The following ENTREP2 variants were observed in gnomAD, a reference collection of about 807,000 sequenced individuals.
The protein encoded by ENTREP2 is protein ENTREP2.
chr15:29,419,966 T>C, the ENTREP2 span, among the ~76,000 whole-genome samples: 1 of 151,516 alleles, frequency 6.6e-6, no homozygotes, highest in African/African-American at 2.4e-5. Flanking sequence ...GAAATGAAGA[T>C]TGATGAAAGG....
At chr15:29,284,556 CAA>C in the ENTREP2 span, among the ~76,000 whole-genome samples, 1 of 125,472 alleles carries the variant, frequency 8.0e-6, no homozygotes, top group Admixed American at 8.0e-5. Context: ...GACTCCATCT[CAA>C]AAAAAAAAAA....
the ENTREP2 span, among the ~76,000 whole-genome samples, chr15:29,621,646 G>A: frequency 2.1e-5 from 3 of 144,482 alleles, no homozygotes; most frequent in Non-Finnish European, 3.0e-5. Context: ...TGGAAAAATC[G>A]GAACCCTTGT....
At chr15:29,242,697 G>A in the ENTREP2 span, among the ~76,000 whole-genome samples, 1 of 152,236 alleles carries the variant, frequency 6.6e-6, no homozygotes, top group African/African-American at 2.4e-5. Context: ...GCACAGACAT[G>A]GCCTTCTCCC....
At chr15:29,323,614 G>A in the ENTREP2 span, among the ~76,000 whole-genome samples, 2 of 152,148 alleles carry the variant, frequency 1.3e-5, no homozygotes, top group Admixed American at 1.3e-4. Context: ...TTGGTCAGAA[G>A]TCCTAGAGGC....
the ENTREP2 span, among the ~76,000 whole-genome samples, chr15:29,380,551 T>G: frequency 5.7e-4 from 87 of 152,238 alleles, no homozygotes; most frequent in African/African-American, 2.0e-3. Context: ...TATTAATGCA[T>G]ACACTGAGAA....
At chr15:29,395,372 G>C in the ENTREP2 span, among the ~76,000 whole-genome samples, 1 of 152,216 alleles carries the variant, frequency 6.6e-6, no homozygotes, top group South Asian at 2.1e-4. Flanking sequence ...TATGTACCCA[G>C]AAGTGAAATA....
At chr15:29,127,364 A>T in the ENTREP2 span, among the ~76,000 whole-genome samples, 1 of 152,080 alleles carries the variant, frequency 6.6e-6, no homozygotes, top group Non-Finnish European at 1.5e-5. Context: ...CACTTCATAG[A>T]TCACAGAAGC....
At chr15:29,428,513 C>A in the ENTREP2 span, among the ~76,000 whole-genome samples, 16 of 152,068 alleles carry the variant, frequency 1.1e-4, no homozygotes, top group African/African-American at 3.9e-4. Flanking sequence ...CCGTGCCCAG[C>A]CACTTCCATG....
chr15:29,119,785 C>CTGAG, the ENTREP2 span, among the ~76,000 whole-genome samples: 2 of 152,154 alleles, frequency 1.3e-5, no homozygotes, highest in Non-Finnish European at 2.9e-5. Context: ...GAAATGTCGC[C>CTGAG]TGAGTCAAAG....
the ENTREP2 span, among the ~76,000 whole-genome samples, chr15:29,142,504 G>A: frequency 1.1e-4 from 17 of 152,338 alleles, no homozygotes; most frequent in Non-Finnish European, 2.1e-4. Context: ...TCTCCAGCAG[G>A]TGCAGCCAGT....
At chr15:29,491,031 G>A in the ENTREP2 span, among the ~76,000 whole-genome samples, 9 of 152,316 alleles carry the variant, frequency 5.9e-5, no homozygotes, top group East Asian at 1.9e-4. Flanking sequence ...GTGGGGAGGC[G>A]GCTGAGGCCC....
At chr15:29,573,760 C>G in the ENTREP2 span, among the ~76,000 whole-genome samples, 1 of 151,730 alleles carries the variant, frequency 6.6e-6, no homozygotes, top group Non-Finnish European at 1.5e-5. Context: ...CGAGTTTCAG[C>G]TTGGTGGATT....
the ENTREP2 span, chr15:29,269,812 C>A: frequency 9.3e-7 from 1 of 1,077,168 alleles, no homozygotes. Context: ...CGCGCAGTGT[C>A]GGCTGAGACT....
chr15:29,240,589 G>T, the ENTREP2 span, among the ~76,000 whole-genome samples: 30 of 152,132 alleles, frequency 2.0e-4, no homozygotes, highest in Non-Finnish European at 3.7e-4. Flanking sequence ...CAGCAAAAAG[G>T]CCCAGGCTAG....
chr15:29,482,131 G>T, the ENTREP2 span, among the ~76,000 whole-genome samples: 3 of 151,408 alleles, frequency 2.0e-5, no homozygotes, highest in Non-Finnish European at 4.4e-5. Context: ...CCAAGTAGCT[G>T]GGATTACAGG....
At chr15:29,146,977 CA>C in the ENTREP2 span, among the ~76,000 whole-genome samples, 1 of 151,502 alleles carries the variant, frequency 6.6e-6, no homozygotes, top group African/African-American at 2.4e-5. Context: ...TAAGAGCTAA[CA>C]GTAACACTAT....
chr15:29,389,656 C>A, the ENTREP2 span, among the ~76,000 whole-genome samples: 1 of 152,186 alleles, frequency 6.6e-6, no homozygotes, highest in Non-Finnish European at 1.5e-5. Context: ...AGGCCAAGCC[C>A]CTACCTTGCC....
At chr15:29,633,012 T>C in the ENTREP2 span, among the ~76,000 whole-genome samples, 1 of 152,352 alleles carries the variant, frequency 6.6e-6, no homozygotes, top group East Asian at 1.9e-4. Context: ...TCAGGTGCGA[T>C]GTCAGGAAGG....
chr15:29,393,913 T>C, the ENTREP2 span, among the ~76,000 whole-genome samples: 2 of 152,146 alleles, frequency 1.3e-5, no homozygotes, highest in South Asian at 4.1e-4. Context: ...CAAAATGTTA[T>C]CCCAAATTAT....
Sources: gnomAD v4.1 joint callset for allele counts (sites outside exome capture counted in the v4.1 genomes callset) on GRCh38, gnomAD v4.1.1 for gene constraint, MANE v1.5 for transcripts, NCBI Gene and HGNC (gene_info 2026-07-23, HGNC 2026-07-21) for gene names.